Variants in SFSWAP observed in about 807,000 individuals in gnomAD.
The protein encoded by SFSWAP is splicing factor SWAP.
SFSWAP carries 17 observed loss-of-function variants against 100.7 expected under a neutral mutation model. The observed-to-expected ratio is 0.17, with a 90% confidence interval of 0.12 to 0.25. The LOEUF (loss-of-function observed/expected upper bound fraction) is 0.25. SFSWAP is among the 10% of genes least tolerant of loss of function. The pLI is 1.00. For synonymous variants in SFSWAP, 504 were observed against 510.1 expected, an observed-to-expected ratio of 0.99 and a Z score of 0.16; for missense variants, 1,005 against 1,262.6, an observed-to-expected ratio of 0.80 and a Z score of 3.09.
chr12:131,747,976 C>T (rs544571815), intron 7 of SFSWAP, among the ~76,000 whole-genome samples: 1 of 152,328 alleles, frequency 6.6e-6, no homozygotes, highest in Non-Finnish European at 1.5e-5. Context: ...GACCGAGAGG[C>T]ATGGCCGCTG....
At position 131,799,574 on chromosome 12, in the gene SFSWAP, C is replaced by A. The variant is rs1389604329; in HGVS notation, c.*86C>A. 1.8e-6 allele frequency: 2 copies of A among 1,082,380 alleles called. No individual in the cohort carries two copies. Among genetic ancestry groups the A allele is most frequent in the African/African-American group, 1.6e-5 (1 of 62,026 alleles). 67.0% of individuals were successfully genotyped at this position (1,082,380 alleles called of 1,614,324 possible). ...ACGCCGGCCACACCATCCACCTGGC[C>A]GCCTCCATGGACCCTTGGTGGCTTT... is the stretch of plus-strand genomic sequence containing the variant. On this transcript the variant is annotated 3_prime_UTR_variant, in exon 18 of 18. Transcript: ENST00000261674.
At chr12:131,753,394 G>A in intron 8 of SFSWAP, 31 bp downstream of exon 8, 2 of 1,593,938 alleles carry the variant, frequency 1.3e-6, no homozygotes, top group African/African-American at 1.3e-5. Flanking sequence ...TGCCTGCTGT[G>A]TGAGTCACTC....
chr12:131,756,233 A>C (rs978217072), intron 10 of SFSWAP, among the ~76,000 whole-genome samples: 1 of 152,100 alleles, frequency 6.6e-6, no homozygotes, highest in Non-Finnish European at 1.5e-5. Context: ...CCAAGGCAGT[A>C]TTAGGGCTTC....
rs371198427 is a variant in SFSWAP, at chr12:131,714,810, T to C, written c.389-12T>C. The C allele has an allele frequency of 6.2e-7, 1 of 1,608,812 alleles. No individual in the cohort carries two copies. The highest frequency in any genetic ancestry group is 1.3e-5 in the African/African-American group (1 of 74,774). ...TCTATTTTTGTTGATAAAATTCTCATTTTTATTCAAGAGGAAGAATACAAG... is the reference window on the plus strand; with the variant it reads ...TCTATTTTTGTTGATAAAATTCTCACTTTTATTCAAGAGGAAGAATACAAG... On this transcript the variant is annotated splice_polypyrimidine_tract_variant and intron_variant, in intron 2 of 17. Coordinates refer to ENST00000261674, the MANE Select transcript of SFSWAP (RefSeq NM_004592.4). The surrounding 1 kb of genome is among the most constrained non-coding windows in gnomAD (Gnocchi z 6.0).
chr12:131,785,403 A>G, intron 14 of SFSWAP: 2 of 528,464 alleles, frequency 3.8e-6, no homozygotes, highest in Non-Finnish European at 6.6e-6. Context: ...TTTGCGGTTT[A>G]TTGTCATGAA....
chr12:131,749,915 A>G (rs1881466328), intron 7 of SFSWAP, among the ~76,000 whole-genome samples: 1 of 152,208 alleles, frequency 6.6e-6, no homozygotes, highest in South Asian at 2.1e-4. Context: ...GAGTCTGCCA[A>G]GGAGGCAGAG....
chr12:131,767,847 G>A (rs546080710), intron 13 of SFSWAP, among the ~76,000 whole-genome samples: 1 of 152,240 alleles, frequency 6.6e-6, no homozygotes, highest in African/African-American at 2.4e-5. Flanking sequence ...TGGAGGGAGG[G>A]AGGGAGGAGG....
At chr12:131,721,138 A>G (rs970473780) in intron 4 of SFSWAP, among the ~76,000 whole-genome samples, 4 of 152,156 alleles carry the variant, frequency 2.6e-5, no homozygotes, top group African/African-American at 7.2e-5. Flanking sequence ...TTCACTGTCT[A>G]TCACGGGAGC....
chr12:131,782,176 C>G (rs1035566622), intron 14 of SFSWAP, among the ~76,000 whole-genome samples: 19 of 152,228 alleles, frequency 1.2e-4, no homozygotes, highest in African/African-American at 4.1e-4. Context: ...CTGGTGGTTT[C>G]TCACCATAAC....
intron 7 of SFSWAP, among the ~76,000 whole-genome samples, chr12:131,732,175 G>A (rs1021919263): frequency 3.3e-5 from 5 of 152,118 alleles, no homozygotes; most frequent in Non-Finnish European, 5.9e-5. Flanking sequence ...CTCCCAAAGT[G>A]CTGGGATTAC....
intron 7 of SFSWAP, among the ~76,000 whole-genome samples, chr12:131,736,846 T>C (rs999930784): frequency 6.6e-6 from 1 of 152,068 alleles, no homozygotes; most frequent in Admixed American, 6.6e-5. Context: ...AGTGCCATTT[T>C]TCAGCTGTCA....
In SFSWAP at chr12:131,766,065, G is replaced by A. The variant is rs1883092435; in HGVS notation, c.1952-53G>A. 3 of 1,540,858 alleles carry A rather than the reference G, an allele frequency of 1.9e-6. No individual in the cohort carries two copies. In the East Asian group the frequency reaches 6.8e-5, roughly 35 times the overall value. ...TTGCAACCTGTGAAAATTAAGATCA[G>A]ATAAAATACTGTTTGCTCTAAACTT... is the stretch of plus-strand genomic sequence containing the variant. On this transcript the variant is annotated intron_variant, in intron 12 of 17. Transcript: ENST00000261674.
intron 16 of SFSWAP, among the ~76,000 whole-genome samples, chr12:131,797,715 C>T (rs1339990974): frequency 6.6e-6 from 1 of 152,128 alleles, no homozygotes; most frequent in Non-Finnish European, 1.5e-5. Flanking sequence ...CCCCAGGCTG[C>T]CGTGGCTGGA....
chr12:131,799,361 T>G, intron 17 of SFSWAP, 62 bp from the exon 18 acceptor site: 1 of 1,534,596 alleles, frequency 6.5e-7, no homozygotes, highest in Non-Finnish European at 9.0e-7. Context: ...ATGAATTTCT[T>G]CACCACGTGG....
chr12:131,770,370 G>A (rs927069692), intron 13 of SFSWAP, among the ~76,000 whole-genome samples: 2 of 152,210 alleles, frequency 1.3e-5, no homozygotes, highest in Non-Finnish European at 2.9e-5. Context: ...TGTCGGGGCC[G>A]TGGCTAGCTC....
rs1437674075 is a variant in SFSWAP, at chr12:131,711,191, G to T, written c.-39G>T. On this transcript the variant is annotated 5_prime_UTR_variant, in exon 1 of 18. Transcript: ENST00000261674. The surrounding 1 kb of genome is among the most constrained non-coding windows in gnomAD (Gnocchi z 4.9). ...GTGGAGGTATCAGGGACGTCGCGCG[G>T]CACAGAAGAGGACCAGCCTGGACGC... The T allele has an allele frequency of 4.0e-6, 6 of 1,509,730 alleles. No individual in the cohort carries two copies. The highest frequency in any genetic ancestry group is 5.3e-6 in the Non-Finnish European group (6 of 1,124,752). 93.5% of individuals were successfully genotyped at this position (1,509,730 alleles called of 1,614,324 possible).
intron 7 of SFSWAP, among the ~76,000 whole-genome samples, 156 bp downstream of exon 7, chr12:131,728,584 G>A (rs1397670616): frequency 3.9e-5 from 6 of 152,198 alleles, no homozygotes; most frequent in Admixed American, 2.0e-4. Context: ...AGAGTGCCAC[G>A]AGGCTGCCCT....
intron 13 of SFSWAP, among the ~76,000 whole-genome samples, chr12:131,772,580 A>T (rs948890137): frequency 1.3e-5 from 2 of 152,168 alleles, no homozygotes; most frequent in African/African-American, 2.4e-5. Context: ...CGGGAACCAG[A>T]GCAAAGGAAC....
chr12:131,754,084 T>C (rs567499143), intron 8 of SFSWAP, among the ~76,000 whole-genome samples: 1 of 152,230 alleles, frequency 6.6e-6, no homozygotes, highest in African/African-American at 2.4e-5. Context: ...GCTTATTCTT[T>C]GTTATTTCTA....
Sources: allele counts gnomAD v4.1 joint callset (sites outside exome capture counted in the v4.1 genomes callset), GRCh38; gene constraint gnomAD v4.1.1; non-coding constraint Gnocchi (gnomAD v3.1); transcripts MANE v1.5; gene names NCBI Gene and HGNC (gene_info 2026-07-23, HGNC 2026-07-21).